HS3ST5: variants seen among roughly 807,000 people sequenced by gnomAD.
HS3ST5 encodes the protein heparan sulfate-glucosamine 3-sulfotransferase 5.
HS3ST5 carries 10 observed loss-of-function variants against 25.4 expected under a neutral mutation model. The ratio of observed to expected loss-of-function variants is 0.39; its 90% CI spans 0.24 to 0.67. The LOEUF (loss-of-function observed/expected upper bound fraction) is 0.67. HS3ST5 is among the 30% of genes least tolerant of loss of function. The pLI is 0.44. For missense variants in HS3ST5, 324 were observed against 420.7 expected, an observed-to-expected ratio of 0.77 and a Z score of 2.01; for synonymous variants, 170 against 162.4, an observed-to-expected ratio of 1.05 and a Z score of -0.36.
chr6:114,080,425 C>T (rs1159199929), intron 3 of HS3ST5, among the ~76,000 whole-genome samples: 1 of 152,054 alleles, frequency 6.6e-6, no homozygotes, highest in African/African-American at 2.4e-5. Flanking sequence ...CCCAGCAATC[C>T]CATTACTGAG....
chr6:114,299,230 C>T (rs1774963473), intron 1 of HS3ST5, among the ~76,000 whole-genome samples: 1 of 152,128 alleles, frequency 6.6e-6, no homozygotes, highest in African/African-American at 2.4e-5. Flanking sequence ...CCCAGTCTCC[C>T]ATAGTGTTCC....
At chr6:114,127,078 A>C (rs186741999) in intron 3 of HS3ST5, among the ~76,000 whole-genome samples, 7 of 152,208 alleles carry the variant, frequency 4.6e-5, no homozygotes, top group Non-Finnish European at 1.0e-4. Flanking sequence ...TAGTCCTGCG[A>C]GTTCTCCAAT....
chr6:114,271,287 G>A (rs1408185369), intron 1 of HS3ST5, among the ~76,000 whole-genome samples: 8 of 151,680 alleles, frequency 5.3e-5, no homozygotes, highest in Non-Finnish European at 2.9e-5. Flanking sequence ...CCCACTCCCT[G>A]GTTTCTTTTC....
chr6:114,085,335 C>T (rs138796196), intron 3 of HS3ST5, among the ~76,000 whole-genome samples: 4 of 152,210 alleles, frequency 2.6e-5, no homozygotes, highest in Non-Finnish European at 4.4e-5. Context: ...AGGACATGGT[C>T]GTCTGGGATC....
intron 3 of HS3ST5, chr6:114,131,957 T>C (rs1777358128): frequency 6.6e-6 from 1 of 152,220 alleles, no homozygotes; most frequent in East Asian, 1.9e-4. Context: ...TAATATGTTT[T>C]TCCTTCAATT....
intron 1 of HS3ST5, chr6:114,282,028 A>G (rs933103679): frequency 1.3e-5 from 2 of 152,020 alleles, no homozygotes; most frequent in Admixed American, 6.6e-5. Flanking sequence ...TCAATTTGCT[A>G]TGGAAAAGAA....
intron 3 of HS3ST5, among the ~76,000 whole-genome samples, chr6:114,126,443 A>C (rs1476696045): frequency 6.6e-6 from 1 of 152,180 alleles, no homozygotes; most frequent in Non-Finnish European, 1.5e-5. Context: ...CTATCTATAC[A>C]CATATGCAGA....
chr6:114,251,153 A>AT (rs1772641474), intron 1 of HS3ST5, among the ~76,000 whole-genome samples: 1 of 152,218 alleles, frequency 6.6e-6, no homozygotes, highest in African/African-American at 2.4e-5. Context: ...AAAGTAACGT[A>AT]TAAAAAGAAA....
intron 1 of HS3ST5, among the ~76,000 whole-genome samples, chr6:114,309,070 G>A (rs1259211492): frequency 6.6e-6 from 1 of 152,122 alleles, no homozygotes; most frequent in Non-Finnish European, 1.5e-5. Flanking sequence ...ATAAAATACA[G>A]AGTCACACTT....
intron 3 of HS3ST5, among the ~76,000 whole-genome samples, chr6:114,099,070 C>G (rs143681748): frequency 2.0e-5 from 3 of 152,182 alleles, no homozygotes; most frequent in African/African-American, 4.8e-5. Context: ...TCTAGAACTC[C>G]TGATAGATAG....
chr6:114,096,034 A>G (rs1775405478), intron 3 of HS3ST5, among the ~76,000 whole-genome samples: 1 of 152,138 alleles, frequency 6.6e-6, no homozygotes. Flanking sequence ...CAGCATTTGT[A>G]AGACTACCTT....
intron 2 of HS3ST5, among the ~76,000 whole-genome samples, chr6:114,183,477 A>T (rs1283729346): frequency 6.6e-6 from 1 of 152,186 alleles, no homozygotes; most frequent in East Asian, 1.9e-4. Flanking sequence ...AGTCTCAGGT[A>T]TGTCTTTATT....
intron 3 of HS3ST5, among the ~76,000 whole-genome samples, chr6:114,115,790 G>GTT (rs1776495723): frequency 6.6e-6 from 1 of 151,960 alleles, no homozygotes; most frequent in African/African-American, 2.4e-5. Context: ...GACAGATAGA[G>GTT]TTCAATACAG....
intron 3 of HS3ST5, among the ~76,000 whole-genome samples, chr6:114,160,987 A>G (rs1291448035): frequency 8.5e-5 from 13 of 152,172 alleles, no homozygotes; most frequent in Admixed American, 8.5e-4. Context: ...TACTCCAGAT[A>G]ATTGGAAAGG....
At chr6:114,159,357 G>T (rs1448353458) in intron 3 of HS3ST5, among the ~76,000 whole-genome samples, 1 of 152,108 alleles carries the variant, frequency 6.6e-6, no homozygotes, top group East Asian at 1.9e-4. Flanking sequence ...ATCAATAGTA[G>T]GCTGGGTAAG....
chr6:114,207,580 C>T (rs183392047), intron 2 of HS3ST5, among the ~76,000 whole-genome samples: 1 of 152,186 alleles, frequency 6.6e-6, no homozygotes, highest in East Asian at 1.9e-4. Flanking sequence ...GCGAGAAGTC[C>T]AAACTCAGAT....
intron 1 of HS3ST5, among the ~76,000 whole-genome samples, chr6:114,339,498 A>C (rs1776741013): frequency 6.7e-6 from 1 of 150,170 alleles, no homozygotes; most frequent in African/African-American, 2.5e-5. Flanking sequence ...ACTGTTTCTG[A>C]GATTGTAAAA....
At chr6:114,200,099 C>A (rs1303725430) in intron 2 of HS3ST5, among the ~76,000 whole-genome samples, 1 of 152,226 alleles carries the variant, frequency 6.6e-6, no homozygotes, top group African/African-American at 2.4e-5. Context: ...TGCCTGTAAT[C>A]CCAGCTACTT....
At chr6:114,160,963 A>T (rs747555586) in intron 3 of HS3ST5, among the ~76,000 whole-genome samples, 1 of 152,212 alleles carries the variant, frequency 6.6e-6, no homozygotes, top group Non-Finnish European at 1.5e-5. Context: ...GCAGCTTTTA[A>T]AAGTATTAAT....
Sources: allele counts gnomAD v4.1 joint callset (sites outside exome capture counted in the v4.1 genomes callset), GRCh38; gene constraint gnomAD v4.1.1; transcripts MANE v1.5; gene names NCBI Gene and HGNC (gene_info 2026-07-23, HGNC 2026-07-21).